Variants in TENM3 observed in about 807,000 individuals in gnomAD.
TENM3 encodes teneurin-3.
A neutral mutation model predicts 255.1 loss-of-function variants in TENM3; 63 were observed. The observed-to-expected ratio is 0.25, with a 90% CI of 0.20 to 0.30. The LOEUF (loss-of-function observed/expected upper bound fraction) is 0.30, where lower values mean the gene tolerates loss of function less well. Among genes scored for constraint, TENM3 ranks in the 10% least tolerant of loss-of-function variants. TENM3 has a pLI of 1.00. For synonymous variants in TENM3, 1,306 were observed against 1,322.3 expected (o/e 0.99, Z 0.27); for missense variants, 2,929 against 3,461.1 (o/e 0.85, Z 3.86).
chr4:182,761,419 C>CA (rs1419453848), intron 22 of TENM3, among the ~76,000 whole-genome samples: 4 of 93,408 alleles, frequency 4.3e-5, no homozygotes, highest in East Asian at 4.6e-4. Context: ...GGCTCCATCC[C>CA]AAAAAAAAGA....
chr4:182,334,894 C>G (rs28437436), intron 2 of TENM3, among the ~76,000 whole-genome samples: 26,317 of 152,114 alleles, frequency 0.17, 2,692 homozygotes, highest in East Asian at 0.36. Flanking sequence ...TAGCAGAAAG[C>G]TTCAGCTTAA....
intron 3 of TENM3, among the ~76,000 whole-genome samples, chr4:182,486,120 TG>T (rs2151546518): frequency 6.6e-6 from 1 of 152,112 alleles, no homozygotes; most frequent in African/African-American, 2.4e-5. Context: ...AGTGCAGGTG[TG>T]GAAGAATAAC....
intron 3 of TENM3, among the ~76,000 whole-genome samples, chr4:182,418,825 A>C (rs911352985): frequency 9.9e-5 from 15 of 152,108 alleles, no homozygotes; most frequent in South Asian, 2.1e-4. Context: ...AGCCTCCCGA[A>C]GTGCTGGGAT....
chr4:181,675,158 TATCAA>T, the TENM3 span, among the ~76,000 whole-genome samples: 1 of 152,140 alleles, frequency 6.6e-6, no homozygotes, highest in Non-Finnish European at 1.5e-5. Context: ...TCAGAAATAT[TATCAA>T]ATCAAAGAGC....
intron 1 of TENM3, among the ~76,000 whole-genome samples, chr4:182,229,141 A>C (rs1756389213): frequency 6.6e-6 from 1 of 152,228 alleles, no homozygotes. Context: ...ATTTCATTCA[A>C]ACTTTCTTGA....
At chr4:182,161,807 A>ACATATATATGTG (rs1561153540) in intron 1 of TENM3, among the ~76,000 whole-genome samples, 11 of 52,104 alleles carry the variant, frequency 2.1e-4, no homozygotes, top group African/African-American at 6.1e-4. Flanking sequence ...ATATATACAC[A>ACATATATATGTG]TATATATGTA....
intron 1 of TENM3, among the ~76,000 whole-genome samples, chr4:182,154,898 T>C (rs1264946886): frequency 6.6e-6 from 1 of 152,198 alleles, no homozygotes; most frequent in Non-Finnish European, 1.5e-5. Flanking sequence ...GACATTATAT[T>C]ATGTGAGTAT....
the TENM3 span, among the ~76,000 whole-genome samples, chr4:181,844,330 A>ATTATAC: frequency 7.2e-5 from 11 of 152,110 alleles, no homozygotes; most frequent in Non-Finnish European, 1.3e-4. Context: ...CCCAGATGAA[A>ATTATAC]TGACCTTTAT....
At chr4:181,869,369 A>G in the TENM3 span, among the ~76,000 whole-genome samples, 1 of 152,182 alleles carries the variant, frequency 6.6e-6, no homozygotes, top group African/African-American at 2.4e-5. Context: ...GTATGCAAGA[A>G]AAGGATTTAA....
chr4:181,578,960 G>A, the TENM3 span, among the ~76,000 whole-genome samples: 1 of 152,130 alleles, frequency 6.6e-6, no homozygotes, highest in Admixed American at 6.5e-5. Context: ...CCTCACACAT[G>A]CAAACCGCTG....
chr4:182,578,774 G>A (rs1745194189), intron 3 of TENM3, among the ~76,000 whole-genome samples: 1 of 152,170 alleles, frequency 6.6e-6, no homozygotes, highest in Non-Finnish European at 1.5e-5. Context: ...TCCACTTGGA[G>A]GTGAAAGTGG....
At chr4:181,734,574 G>A in the TENM3 span, among the ~76,000 whole-genome samples, 20 of 152,186 alleles carry the variant, frequency 1.3e-4, no homozygotes, top group Non-Finnish European at 2.8e-4. Flanking sequence ...AATGTTGAGT[G>A]CAGAAGACCA....
At chr4:182,650,622 CCT>C (rs1753168475) in intron 5 of TENM3, among the ~76,000 whole-genome samples, 1 of 149,296 alleles carries the variant, frequency 6.7e-6, no homozygotes, top group Admixed American at 6.7e-5. Context: ...CTCTCTCTCT[CCT>C]CTCTCTAACT....
intron 1 of TENM3, among the ~76,000 whole-genome samples, chr4:182,145,437 T>C (rs1048718951): frequency 6.6e-6 from 1 of 152,184 alleles, no homozygotes; most frequent in Non-Finnish European, 1.5e-5. Context: ...AGATTCTAAG[T>C]CCCTCTCGTG....
the TENM3 span, among the ~76,000 whole-genome samples, chr4:181,514,817 G>A: frequency 6.6e-6 from 1 of 152,202 alleles, no homozygotes; most frequent in Non-Finnish European, 1.5e-5. Flanking sequence ...AGGCGTGGTA[G>A]CCACTCGGGA....
At chr4:182,538,345 G>A (rs1192420827) in intron 3 of TENM3, among the ~76,000 whole-genome samples, 1 of 152,166 alleles carries the variant, frequency 6.6e-6, no homozygotes, top group African/African-American at 2.4e-5. Context: ...ACAAATAAAT[G>A]TCAAGTCACC....
intron 3 of TENM3, among the ~76,000 whole-genome samples, chr4:182,506,938 T>G (rs1166295805): frequency 6.6e-6 from 1 of 152,202 alleles, no homozygotes; most frequent in African/African-American, 2.4e-5. Context: ...TAAGGTTATC[T>G]TATCTGTGTT....
chr4:182,634,132 G>C (rs1751641734), intron 5 of TENM3, among the ~76,000 whole-genome samples: 1 of 152,184 alleles, frequency 6.6e-6, no homozygotes, highest in Non-Finnish European at 1.5e-5. Context: ...TTTCATGATG[G>C]AAATGTTCTG....
At chr4:182,006,115 G>C in the TENM3 span, among the ~76,000 whole-genome samples, 1 of 152,126 alleles carries the variant, frequency 6.6e-6, no homozygotes, top group Non-Finnish European at 1.5e-5. Flanking sequence ...GAGTAGGAGT[G>C]GTGACAGAGG....
Sources: gnomAD v4.1 joint callset for allele counts (sites outside exome capture counted in the v4.1 genomes callset) on GRCh38, gnomAD v4.1.1 for gene constraint, MANE v1.5 for transcripts, NCBI Gene and HGNC (gene_info 2026-07-23, HGNC 2026-07-21) for gene names.